SPEG: variants seen among roughly 807,000 people sequenced by gnomAD.
The protein encoded by SPEG is striated muscle enriched protein kinase.
A neutral mutation model predicts 300.4 loss-of-function variants in SPEG; 114 were observed. That is an observed-to-expected ratio of 0.38 (90% confidence interval 0.33 to 0.44). SPEG has a LOEUF of 0.44. Among genes scored for constraint, SPEG ranks in the 20% least tolerant of loss-of-function variants. The pLI is 1.00. For synonymous variants in SPEG, 1,964 were observed against 2,018.9 expected, an observed-to-expected ratio of 0.97 and a Z score of 0.73; for missense variants, 4,201 against 4,586.2, an observed-to-expected ratio of 0.92 and a Z score of 2.43.
At chr2:219,468,773 CA>C (rs770301788) in intron 11 of SPEG, 37 bp downstream of exon 11, 1 of 1,611,326 alleles carries the variant, frequency 6.2e-7, no homozygotes, top group Non-Finnish European at 8.5e-7. Context: ...AGGGCCCCCC[CA>C]AGGGCCCAGG....
chr2:219,446,865 A>C (rs139838766), intron 3 of SPEG, among the ~76,000 whole-genome samples: 3 of 151,836 alleles, frequency 2.0e-5, no homozygotes, highest in Non-Finnish European at 4.4e-5. Flanking sequence ...GACTCAATGC[A>C]TTTTAAGCAC....
In SPEG at chr2:219,452,457, C is replaced by T. The variant is rs187790606; in HGVS notation, c.2440+650C>T. 1.8e-4 allele frequency among the ~76,000 whole-genome samples: 27 copies of T among 152,264 alleles called. No homozygotes were observed. In the East Asian group the frequency reaches 4.4e-3, roughly 25 times the overall value. On this transcript the variant is annotated intron_variant, in intron 6 of 40. Transcript: ENST00000312358. ...CTGGATCAGTGTCGGTGTACATGGC[C>T]AGTTCAGCTCATTCAGCTTGCGGGG...
rs1174184610 is a variant in SPEG, at chr2:219,444,806, A to C, written c.479-19A>C. On this transcript the variant is annotated intron_variant, in intron 2 of 40. Transcript: ENST00000312358. The surrounding 1 kb of genome is among the most constrained non-coding windows in gnomAD (Gnocchi z 7.8). ...TTTCCATAAGGGGTGCCTCAGTCTC[A>C]CGGTGCTCCTTTCTCTAGGGGGTTC... 2 of 1,607,236 alleles carry C rather than the reference A, an allele frequency of 1.2e-6. No individual in the cohort carries two copies. The highest frequency in any genetic ancestry group is 1.7e-6 in the Non-Finnish European group (2 of 1,175,928).
At chr2:219,488,133 C>T in intron 31 of SPEG, 61 bp from the exon 32 acceptor site, 1 of 1,092,426 alleles carries the variant, frequency 9.2e-7, no homozygotes, top group Non-Finnish European at 1.4e-6. Context: ...TCCACCCCTC[C>T]CTCAGCAGTA....
chr2:219,476,753 G>A lies in SPEG; in HGVS notation c.4448-117G>A, dbSNP rs574378987. 4 of 731,630 alleles carry A rather than the reference G, an allele frequency of 5.5e-6. No homozygotes were observed. In the East Asian group the frequency reaches 8.1e-5, roughly 15 times the overall value. 45.3% of individuals were successfully genotyped at this position (731,630 alleles called of 1,614,324 possible). A position where few individuals can be genotyped will look rare whatever the true frequency, so the allele number is the denominator to read the frequency against. On this transcript the variant is annotated intron_variant, in intron 18 of 40. Transcript: ENST00000312358. ...GGGTGGTGGCTTGCAGGGAGGCGGG[G>A]GTCTAGCGTTCTGACTGAGCCAGTC... is the stretch of plus-strand genomic sequence containing the variant.
chr2:219,461,868 C>T lies in SPEG; in HGVS notation c.2441-14C>T. 1 of 1,612,168 alleles carries T rather than the reference C, an allele frequency of 6.2e-7. No individual in the cohort carries two copies. The highest frequency in any genetic ancestry group is 8.5e-7 in the Non-Finnish European group (1 of 1,178,968). Reference sequence around the variant, plus strand: ...TCGCCTTCCTCCCTGGTAGCTATCTCTGTCTCTCTCCAGGTGGGTCTACAT... The same window carrying T: ...TCGCCTTCCTCCCTGGTAGCTATCTTTGTCTCTCTCCAGGTGGGTCTACAT... On this transcript the variant is annotated splice_polypyrimidine_tract_variant and intron_variant, in intron 6 of 40. Coordinates refer to ENST00000312358, the MANE Select transcript of SPEG (RefSeq NM_005876.5).
In SPEG at chr2:219,462,400, C is replaced by G; in HGVS notation, c.2705+14C>G. The G allele has an allele frequency of 6.5e-7, 1 of 1,547,544 alleles. No homozygotes were observed. The highest frequency in any genetic ancestry group is 8.7e-7 in the Non-Finnish European group (1 of 1,142,998). The stretch of plus-strand genomic sequence containing the variant: ...TGTGGTCTCCTGGTGAGTAGCCGCA[C>G]TTTCCACCACCCACCAGCGACTCTA... On this transcript the variant is annotated intron_variant, in intron 8 of 40. Coordinates refer to ENST00000312358, the MANE Select transcript of SPEG (RefSeq NM_005876.5).
At chr2:219,461,134 G>T in intron 6 of SPEG, 5 of 906,466 alleles carry the variant, frequency 5.5e-6, no homozygotes, top group Non-Finnish European at 6.6e-6. Flanking sequence ...CTGGCCAGTT[G>T]CAGGGGAGGG....
intron 1 of SPEG, among the ~76,000 whole-genome samples, chr2:219,442,722 C>T (rs1689018767): frequency 6.6e-6 from 1 of 151,596 alleles, no homozygotes; most frequent in Non-Finnish European, 1.5e-5. Context: ...CCCGCATCCC[C>T]ATCTTCTCCT....
At position 219,480,274 on chromosome 2, in the gene SPEG, G is replaced by T. The variant is rs779934252; in HGVS notation, c.5342+134G>T. 1.5e-5 allele frequency: 14 copies of T among 951,554 alleles called. No individual in the cohort carries two copies. Among genetic ancestry groups the T allele is most frequent in the Non-Finnish European group, 2.0e-5 (13 of 635,906 alleles). 58.9% of individuals were successfully genotyped at this position (951,554 alleles called of 1,614,324 possible). On this transcript the variant is annotated intron_variant, in intron 25 of 40. Coordinates refer to ENST00000312358, the MANE Select transcript of SPEG (RefSeq NM_005876.5). The surrounding 1 kb of genome is among the most constrained non-coding windows in gnomAD (Gnocchi z 5.3). ...GTGGGCTGGAGGCATTGTTTGCAGGGTCTCCTGCCCATGTTACTCCTTGCC... is the reference window on the plus strand; with the variant it reads ...GTGGGCTGGAGGCATTGTTTGCAGGTTCTCCTGCCCATGTTACTCCTTGCC...
rs1015163957 is a variant in SPEG, at chr2:219,461,997, C to G, written c.2556C>G (p.Pro852=). The change falls in exon 7 of 41, where the codon CCC becomes CCG. Residue 852 remains proline, a synonymous_variant. Transcript: ENST00000312358. ...ETWPRTPTMK[P]SPSQNRRSSD... is the part of the protein sequence containing the mutation. ...GGCCGCGAACCCCCACCATGAAGCC[C>G]AGTCCCAGCCAGAACCGCCGTTCTT... is the stretch of plus-strand genomic sequence containing the variant. The G allele has an allele frequency of 1.9e-6, 3 of 1,613,214 alleles. No individual in the cohort carries two copies. In the African/African-American group the frequency reaches 4.0e-5, roughly 22 times the overall value.
Position 219,484,134 on chromosome 2 carries a change from G to C in SPEG, c.6671G>C (p.Arg2224Pro), listed in dbSNP as rs768497312. 6.2e-7 allele frequency: 1 copy of C among 1,613,264 alleles called. No homozygotes were observed. Among genetic ancestry groups the C allele is most frequent in the Non-Finnish European group, 8.5e-7 (1 of 1,179,932 alleles). ...CCAGAGCCCAGGCCAGAACCAGTCC[G>C]AGCCTCCAAGCCTGCACCACCCCCC... ...KAPEPRPEPV[R>P]ASKPAPPPQA... The change falls in exon 30 of 41, where the codon CGA (arginine) becomes CCA (proline). Residue 2224 changes from arginine (R) to proline (P), a missense_variant. Physicochemically the swap from Arg to Pro is moderately radical, Grantham distance 103. Coordinates refer to ENST00000312358, the MANE Select transcript of SPEG (RefSeq NM_005876.5).
intron 1 of SPEG, chr2:219,442,104 C>T: frequency 2.5e-6 from 3 of 1,188,208 alleles, no homozygotes; most frequent in South Asian, 4.2e-5. Context: ...CGGGGGCGGG[C>T]GGCGCCGGGA....
Position 219,479,089 on chromosome 2 carries a change from T to G in SPEG, c.5028-55T>G. 6.5e-7 allele frequency: 1 copy of G among 1,538,834 alleles called. No individual in the cohort carries two copies. The highest frequency in any genetic ancestry group is 1.1e-5 in the South Asian group (1 of 89,618). ...CTGAGCTGGGACCTGCCCTGAGCGCTGGGCTGGGCCGGGCAGTTGGCACTG... is the reference window on the plus strand; with the variant it reads ...CTGAGCTGGGACCTGCCCTGAGCGCGGGGCTGGGCCGGGCAGTTGGCACTG... On this transcript the variant is annotated intron_variant, in intron 22 of 40. Coordinates refer to ENST00000312358, the MANE Select transcript of SPEG (RefSeq NM_005876.5). The surrounding 1 kb of genome is among the most constrained non-coding windows in gnomAD (Gnocchi z 5.5).
intron 6 of SPEG, among the ~76,000 whole-genome samples, chr2:219,452,736 G>A (rs182090061): frequency 8.5e-4 from 129 of 152,254 alleles, no homozygotes; most frequent in South Asian, 1.9e-3. Context: ...ATTTTAGACC[G>A]GCACGGGGAA....
Position 219,489,615 on chromosome 2 carries a change from A to C in SPEG, c.8597A>C (p.His2866Pro), listed in dbSNP as rs1575197393. The C allele has an allele frequency of 6.2e-7, 1 of 1,613,530 alleles. No individual in the cohort carries two copies. The highest frequency in any genetic ancestry group is 8.5e-7 in the Non-Finnish European group (1 of 1,179,902). ...GCGGAGCCCACCCTACCCAGTACCCACGTCACCCCAAGTGAGCCCAAGCCT... is the reference window on the plus strand; with the variant it reads ...GCGGAGCCCACCCTACCCAGTACCCCCGTCACCCCAAGTGAGCCCAAGCCT... The part of the protein sequence containing the change: ...RPAEPTLPST[H>P]VTPSEPKPFV... The change falls in exon 36 of 41, where the codon CAC becomes CCC. Residue 2866 changes from histidine (H) to proline (P), a missense_variant. His to Pro is a moderately conservative substitution (Grantham distance 77, BLOSUM62 -2). Transcript: ENST00000312358.
chr2:219,476,853 A>G lies in SPEG; in HGVS notation c.4448-17A>G. On this transcript the variant is annotated splice_polypyrimidine_tract_variant and intron_variant, in intron 18 of 40. Transcript: ENST00000312358. ...CCTAGCCCCTTCTCTTCCCACCCCTATCCCCATGTGTTTCAGAGGCCCCTC... is the reference window on the plus strand; with the variant it reads ...CCTAGCCCCTTCTCTTCCCACCCCTGTCCCCATGTGTTTCAGAGGCCCCTC... 6.2e-7 allele frequency: 1 copy of G among 1,604,058 alleles called. No homozygotes were observed. The highest frequency in any genetic ancestry group is 8.5e-7 in the Non-Finnish European group (1 of 1,171,430).
chr2:219,444,502 C>T lies in SPEG; in HGVS notation c.389-151C>T, dbSNP rs1689140459. 1 of 665,550 alleles carries T rather than the reference C, an allele frequency of 1.5e-6. No homozygotes were observed. The highest frequency in any genetic ancestry group is 2.7e-6 in the Non-Finnish European group (1 of 376,390). The allele number at this position is 665,550 out of a possible 1,614,324, so 41.2% of individuals were successfully genotyped here. A position where few individuals can be genotyped will look rare whatever the true frequency, so the allele number is the denominator to read the frequency against. On this transcript the variant is annotated intron_variant, in intron 1 of 40. Transcript: ENST00000312358. The surrounding 1 kb of genome is among the most constrained non-coding windows in gnomAD (Gnocchi z 7.8). Reference sequence around the variant, plus strand: ...GTTATCCTGAGCAGCCCAGGCTGGGCAGGGGATGTGGGGAGCAAAAGAGAG... The same window carrying T: ...GTTATCCTGAGCAGCCCAGGCTGGGTAGGGGATGTGGGGAGCAAAAGAGAG...
chr2:219,473,016 T>C lies in SPEG; in HGVS notation c.4067T>C (p.Ile1356Thr), dbSNP rs769539022. 6.2e-7 allele frequency: 1 copy of C among 1,613,928 alleles called. No homozygotes were observed. The highest frequency in any genetic ancestry group is 1.7e-5 in the Admixed American group (1 of 60,012). The change falls in exon 16 of 41, where the codon ATC (isoleucine) becomes ACC (threonine). Residue 1356 changes from isoleucine (I) to threonine (T), a missense_variant. Around this residue, in one of 4 missense-constraint regions of SPEG, gnomAD observed 1,047 missense variants for 1,356.8 expected, o/e 0.77. Transcript: ENST00000312358. This position sits in a 1 kb window ranked among gnomAD's most constrained non-coding sequence, Gnocchi z 4.6. ...ATGLRKGVQH[I>T]FRVLSTTVKS... is the part of the protein sequence containing the mutation. ...GGGCTGCGTAAGGGGGTCCAGCACA[T>C]CTTCCGGGTCCTCAGCACCACTGTC...
Sources: gnomAD v4.1 joint callset for allele counts (sites outside exome capture counted in the v4.1 genomes callset) on GRCh38, gnomAD v4.1.1 for gene constraint, gnomAD v4.1.1 regional missense constraint, Gnocchi (gnomAD v3.1) non-coding constraint, MANE v1.5 for transcripts, NCBI Gene and HGNC (gene_info 2026-07-23, HGNC 2026-07-21) for gene names.